SOX5: variants seen among roughly 807,000 people sequenced by gnomAD.
SOX5 encodes transcription factor SOX-5.
In SOX5, 9 loss-of-function variants were observed where a neutral mutation model predicts 92.0. The ratio of observed to expected loss-of-function variants is 0.10; its 90% CI spans 0.06 to 0.17. The LOEUF (loss-of-function observed/expected upper bound fraction) is 0.17. SOX5 is among the 10% of genes least tolerant of loss of function. The pLI is 1.00. For missense variants in SOX5, 642 were observed against 944.5 expected, an observed-to-expected ratio of 0.68 and a Z score of 4.20; for synonymous variants, 344 against 336.3, an observed-to-expected ratio of 1.02 and a Z score of -0.25.
chr12:23,942,116 A>G (rs1250230634), intron 1 of SOX5, among the ~76,000 whole-genome samples: 1 of 151,874 alleles, frequency 6.6e-6, no homozygotes, highest in Non-Finnish European at 1.5e-5. Context: ...AACTTTGTCA[A>G]GCAACCTAAT....
intron 4 of SOX5, among the ~76,000 whole-genome samples, chr12:24,017,380 C>T (rs566003096): frequency 6.6e-6 from 1 of 152,170 alleles, no homozygotes; most frequent in East Asian, 1.9e-4. Context: ...AGGCGGATCA[C>T]TTGAGGCCAG....
chr12:24,438,213 A>C (rs1939821874), intron 1 of SOX5, among the ~76,000 whole-genome samples: 1 of 152,174 alleles, frequency 6.6e-6, no homozygotes, highest in South Asian at 2.1e-4. Context: ...GTTCTCACTC[A>C]TAAGTGGGAG....
chr12:24,147,141 A>T (rs1349987666), intron 4 of SOX5, among the ~76,000 whole-genome samples: 2 of 152,206 alleles, frequency 1.3e-5, no homozygotes, highest in South Asian at 4.1e-4. Context: ...TGAGGCCAGT[A>T]TACCTTGATA....
chr12:23,956,010 G>A (rs546965445), upstream of SOX5, among the ~76,000 whole-genome samples: 5 of 152,226 alleles, frequency 3.3e-5, no homozygotes, highest in South Asian at 1.0e-3. Context: ...AACATTCAGA[G>A]AGGTTTTCCC....
At chr12:23,608,280 A>G (rs975524653) in intron 8 of SOX5, among the ~76,000 whole-genome samples, 8 of 152,074 alleles carry the variant, frequency 5.3e-5, no homozygotes, top group Non-Finnish European at 1.0e-4. Flanking sequence ...AAAACTTCAC[A>G]ACTCCTCAGA....
At chr12:23,688,492 A>C (rs17472731) in intron 6 of SOX5, among the ~76,000 whole-genome samples, 55,043 of 151,868 alleles carry the variant, frequency 0.36, 10,080 homozygotes, top group Non-Finnish European at 0.38. Flanking sequence ...CATAGCAATA[A>C]TAAAAATTAA....
chr12:24,416,861 A>C (rs757040117), intron 1 of SOX5, among the ~76,000 whole-genome samples: 4 of 152,170 alleles, frequency 2.6e-5, no homozygotes, highest in Non-Finnish European at 5.9e-5. Context: ...CTGATCTGTC[A>C]ATTTGAATTA....
intron 4 of SOX5, among the ~76,000 whole-genome samples, chr12:24,152,000 T>C (rs35711437): frequency 0.033 from 5,041 of 152,280 alleles, 104 homozygotes; most frequent in South Asian, 0.081. Context: ...AAATGTCTCA[T>C]TGAATTCATT....
chr12:24,524,431 C>T (rs1199257001), intron 1 of SOX5, among the ~76,000 whole-genome samples: 1 of 151,910 alleles, frequency 6.6e-6, no homozygotes, highest in African/African-American at 2.4e-5. Flanking sequence ...GCTTCTGTCT[C>T]TCTGGAGAAC....
intron 4 of SOX5, among the ~76,000 whole-genome samples, chr12:24,017,727 T>C (rs1403738768): frequency 6.6e-6 from 1 of 152,160 alleles, no homozygotes; most frequent in Non-Finnish European, 1.5e-5. Flanking sequence ...TGCAAGAATC[T>C]TCTCAGTTGT....
chr12:23,997,074 G>C (rs1055804123), intron 4 of SOX5, among the ~76,000 whole-genome samples: 3 of 152,060 alleles, frequency 2.0e-5, no homozygotes, highest in African/African-American at 4.8e-5. Context: ...TGCAAAAACT[G>C]TCAAAAACAA....
chr12:23,679,871 G>T (rs2086297625), intron 6 of SOX5, among the ~76,000 whole-genome samples: 1 of 151,814 alleles, frequency 6.6e-6, no homozygotes, highest in African/African-American at 2.4e-5. Context: ...GATACCCAAA[G>T]ATATCAAGGT....
At chr12:23,986,662 C>T (rs1024133455) in intron 4 of SOX5, among the ~76,000 whole-genome samples, 4 of 152,040 alleles carry the variant, frequency 2.6e-5, no homozygotes, top group East Asian at 1.9e-4. Context: ...TTATCATGGA[C>T]GTGAATGATT....
intron 1 of SOX5, among the ~76,000 whole-genome samples, chr12:24,388,809 C>G (rs12425428): frequency 7.2e-5 from 11 of 152,170 alleles, no homozygotes; most frequent in Non-Finnish European, 1.6e-4. Context: ...AATGTACTTT[C>G]TGTCTCTATA....
intron 4 of SOX5, among the ~76,000 whole-genome samples, chr12:24,196,550 A>G (rs575502518): frequency 6.6e-6 from 1 of 152,298 alleles, no homozygotes; most frequent in Non-Finnish European, 1.5e-5. Context: ...CACACTTTAT[A>G]TTTTACTACA....
chr12:24,527,329 A>T (rs1199724442), intron 1 of SOX5, among the ~76,000 whole-genome samples: 3 of 152,214 alleles, frequency 2.0e-5, no homozygotes, highest in Non-Finnish European at 4.4e-5. Context: ...GTGATTCCAG[A>T]TGGAGAAAGA....
At chr12:24,186,364 C>T (rs1956015219) in intron 4 of SOX5, among the ~76,000 whole-genome samples, 1 of 152,118 alleles carries the variant, frequency 6.6e-6, no homozygotes. Flanking sequence ...TCATCAAAGC[C>T]TTTACACAAG....
At chr12:23,825,668 G>C (rs1486841177) in intron 3 of SOX5, among the ~76,000 whole-genome samples, 3 of 152,104 alleles carry the variant, frequency 2.0e-5, no homozygotes, top group African/African-American at 7.2e-5. Flanking sequence ...AACAGCTATA[G>C]GACAGAGATA....
intron 2 of SOX5, among the ~76,000 whole-genome samples, chr12:24,341,901 T>C (rs1307401013): frequency 6.6e-6 from 1 of 152,164 alleles, no homozygotes; most frequent in African/African-American, 2.4e-5. Context: ...ACCTCCTCCG[T>C]TGGTTGCTCC....
Sources: gnomAD v4.1 joint callset for allele counts (sites outside exome capture counted in the v4.1 genomes callset) on GRCh38, gnomAD v4.1.1 for gene constraint, MANE v1.5 for transcripts, NCBI Gene and HGNC (gene_info 2026-07-23, HGNC 2026-07-21) for gene names.